DNAH9: variants seen among roughly 807,000 people sequenced by gnomAD.
DNAH9 encodes the protein DNAH9 variant protein.
Under a neutral mutation model 471.6 loss-of-function variants are expected in DNAH9, and 345 were observed. The observed-to-expected ratio is 0.73, with a 90% CI of 0.67 to 0.80. The LOEUF (loss-of-function observed/expected upper bound fraction) is 0.80. Ranked by LOEUF, DNAH9 falls within the 30% of genes least tolerant of loss-of-function variation. DNAH9 has a pLI of 0.00. For missense variants in DNAH9, 5,407 were observed against 5,609.2 expected, an observed-to-expected ratio of 0.96 and a Z score of 1.15; for synonymous variants, 2,093 against 2,123.6, an observed-to-expected ratio of 0.99 and a Z score of 0.40.
At chr17:11,642,348 GGC>G (rs1016742920) in intron 10 of DNAH9, among the ~76,000 whole-genome samples, 20 of 152,082 alleles carry the variant, frequency 1.3e-4, no homozygotes, top group African/African-American at 4.8e-4. Flanking sequence ...CAACCATCCT[GGC>G]CAACATGGTG....
At position 11,822,073 on chromosome 17, in the gene DNAH9, T is replaced by G. The variant is rs1249100354; in HGVS notation, c.8850+11T>G. The G allele has an allele frequency of 1.2e-6, 2 of 1,608,014 alleles. No individual in the cohort carries two copies. The highest frequency in any genetic ancestry group is 1.7e-5 in the Admixed American group (1 of 58,698). ...CGGCGACAGCTGAAGGTAAAGAGCA[T>G]TTACTGACAGGGGCAGGCAGAGACC... is the stretch of plus-strand genomic sequence containing the variant. On this transcript the variant is annotated intron_variant, in intron 46 of 68. Transcript: ENST00000262442.
chr17:11,867,467 T>C (rs1972102495), intron 50 of DNAH9, among the ~76,000 whole-genome samples: 1 of 152,226 alleles, frequency 6.6e-6, no homozygotes, highest in Admixed American at 6.5e-5. Context: ...CACAAGAGTT[T>C]TTTTTTGTTA....
chr17:11,768,270 C>T (rs1015766969), intron 36 of DNAH9, among the ~76,000 whole-genome samples, 183 bp from the exon 37 acceptor site: 7 of 152,148 alleles, frequency 4.6e-5, no homozygotes, highest in Admixed American at 2.0e-4. Flanking sequence ...CTGCGTAGTC[C>T]GGCTTGGTCA....
chr17:11,945,714 A>C (rs978583428), intron 67 of DNAH9, among the ~76,000 whole-genome samples: 3 of 151,904 alleles, frequency 2.0e-5, no homozygotes, highest in African/African-American at 7.3e-5. Context: ...TCAGGTGACA[A>C]GTGCACTAAA....
intron 61 of DNAH9, among the ~76,000 whole-genome samples, chr17:11,923,072 GT>G (rs1567553250): frequency 3.0e-5 from 3 of 100,188 alleles, no homozygotes; most frequent in African/African-American, 1.2e-4. Context: ...GTTTGTTTTG[GT>G]TTTTGTTTTG....
At chr17:11,808,575 C>T (rs964371680) in intron 44 of DNAH9, among the ~76,000 whole-genome samples, 1 of 152,190 alleles carries the variant, frequency 6.6e-6, no homozygotes, top group Non-Finnish European at 1.5e-5. Flanking sequence ...GTGCTCACTT[C>T]TGCTCTAAAA....
rs748126639 is a variant in DNAH9 at position 11,891,895 on chromosome 17, G to A, written c.11231G>A (p.Arg3744His). 4.3e-6 allele frequency: 7 copies of A among 1,613,982 alleles called. No individual in the cohort carries two copies. Among genetic ancestry groups the A allele is most frequent in the African/African-American group, 4.0e-5 (3 of 74,914 alleles). ...ITFSVYQYTI[R>H]GLFECDKLTY... ...TTCTCTGTGTACCAGTACACCATCC[G>A]CGGGCTCTTTGAGTGTGATAAGCTG... Residue 3744 changes from arginine (R) to histidine (H), a missense_variant, in exon 58 of 69, where the codon CGC (arginine) becomes CAC (histidine). Physicochemically the swap from Arg to His is conservative, Grantham distance 29 (BLOSUM62 0). This residue lies in a region of DNAH9 where 4,636 missense variants were observed against 4,900.3 expected (regional missense o/e 0.95). Transcript: ENST00000262442.
chr17:11,688,737 T>C (rs1016140817), intron 19 of DNAH9, among the ~76,000 whole-genome samples: 3 of 152,176 alleles, frequency 2.0e-5, no homozygotes, highest in Admixed American at 2.0e-4. Context: ...TGATAGCCAC[T>C]GCCCCAGAGT....
At position 11,680,528 on chromosome 17, in the gene DNAH9, AG is replaced by A. The variant is rs3842380; in HGVS notation, c.3577-194del. ...TAGTGTAGAGTGAGTGGTAGGTAAT[AG>A]TTGAGAGCAGCTGCGGAAGGAAGTC... On this transcript the variant is annotated intron_variant, in intron 18 of 68. Coordinates refer to ENST00000262442, the MANE Select transcript of DNAH9 (RefSeq NM_001372.4). 1.3e-3 allele frequency among the ~76,000 whole-genome samples: 192 copies of A among 152,264 alleles called. 2 individuals carry two copies. In the East Asian group the frequency reaches 0.025, roughly 20 times the overall value.
intron 67 of DNAH9, among the ~76,000 whole-genome samples, chr17:11,942,896 C>CT (rs71142257): frequency 0.45 from 57,298 of 127,910 alleles, 13,611 homozygotes; most frequent in Middle Eastern, 0.53. Context: ...CTTGTTTTTT[C>CT]TTTTTTTTTT....
chr17:11,874,197 A>T (rs1267017189), intron 52 of DNAH9, among the ~76,000 whole-genome samples: 1 of 145,842 alleles, frequency 6.9e-6, no homozygotes, highest in African/African-American at 2.5e-5. Context: ...TGGAGCTGAG[A>T]TGACGCCATT....
At chr17:11,653,098 T>C (rs1459664656) in intron 14 of DNAH9, 96 bp downstream of exon 14, 12 of 1,287,112 alleles carry the variant, frequency 9.3e-6, no homozygotes, top group Non-Finnish European at 1.3e-5. Flanking sequence ...AGTCAGTAAG[T>C]GCAGTGTCTT....
At chr17:11,763,338 A>T in intron 35 of DNAH9, 102 bp from the exon 36 acceptor site, 1 of 1,007,050 alleles carries the variant, frequency 9.9e-7, no homozygotes, top group East Asian at 2.4e-5. Flanking sequence ...AACTTGACGG[A>T]CCATGAGTCC....
At chr17:11,959,105 A>C (rs1450763566) in intron 67 of DNAH9, among the ~76,000 whole-genome samples, 1 of 152,232 alleles carries the variant, frequency 6.6e-6, no homozygotes, top group African/African-American at 2.4e-5. Flanking sequence ...ATATCAAAAA[A>C]AAAACAGAAA....
rs1974568390 is a variant in DNAH9, at chr17:11,932,907, A to G, written c.12297+702A>G. Among the ~76,000 whole-genome samples the G allele has an allele frequency of 6.6e-6, 1 of 152,212 alleles. No homozygotes were observed. Among genetic ancestry groups the G allele is most frequent in the Non-Finnish European group, 1.5e-5 (1 of 68,044 alleles). ...GCTAACAATCAGTGCTCTTCCAGTT[A>G]AGGGAATATTCACCTCGTCAAGGTT... On this transcript the variant is annotated intron_variant, in intron 64 of 68. Coordinates refer to ENST00000262442, the MANE Select transcript of DNAH9 (RefSeq NM_001372.4). The surrounding 1 kb of genome is among the most constrained non-coding windows in gnomAD (Gnocchi z 4.3).
At chr17:11,841,466 G>A (rs1398766915) in intron 49 of DNAH9, among the ~76,000 whole-genome samples, 1 of 152,172 alleles carries the variant, frequency 6.6e-6, no homozygotes, top group Non-Finnish European at 1.5e-5. Flanking sequence ...ACACGTGAGA[G>A]GAGGGTAGGG....
chr17:11,634,001 A>ACAC (rs2073115470), intron 8 of DNAH9, among the ~76,000 whole-genome samples: 1 of 152,176 alleles, frequency 6.6e-6, no homozygotes, highest in African/African-American at 2.4e-5. Flanking sequence ...TGTGTGTGCC[A>ACAC]AGGGCATGCC....
chr17:11,708,006 C>G (rs62061781), intron 26 of DNAH9, among the ~76,000 whole-genome samples: 2,392 of 47,584 alleles, frequency 0.05, 28 homozygotes, highest in East Asian at 0.14. Context: ...CACACACACA[C>G]ACACACACAG....
At chr17:11,967,533 G>A (rs1458352867) in intron 68 of DNAH9, among the ~76,000 whole-genome samples, 2 of 152,086 alleles carry the variant, frequency 1.3e-5, no homozygotes, top group African/African-American at 4.8e-5. Context: ...GAGAACTAGA[G>A]AAATAAAAAA....
Sources: allele counts gnomAD v4.1 joint callset (sites outside exome capture counted in the v4.1 genomes callset), GRCh38; gene constraint gnomAD v4.1.1; regional missense constraint gnomAD v4.1.1; non-coding constraint Gnocchi (gnomAD v3.1); transcripts MANE v1.5; gene names NCBI Gene and HGNC (gene_info 2026-07-23, HGNC 2026-07-21).